The following SIK2 variants were observed in gnomAD, a reference collection of about 807,000 sequenced individuals.
SIK2 encodes the protein salt inducible kinase 2.
A neutral mutation model predicts 103.2 loss-of-function variants in SIK2; 29 were observed. The ratio of observed to expected loss-of-function variants is 0.28; its 90% CI spans 0.21 to 0.38. The LOEUF is 0.38. Among genes scored for constraint, SIK2 ranks in the 10% least tolerant of loss-of-function variants. The probability of loss-of-function intolerance (pLI) is 1.00; values close to 1 mark genes in which losing one functional copy is unlikely to be tolerated. For synonymous variants in SIK2, 412 were observed against 446.1 expected, an observed-to-expected ratio of 0.92 and a Z score of 0.96; for missense variants, 879 against 1,171.0, an observed-to-expected ratio of 0.75 and a Z score of 3.64.
In SIK2 at chr11:111,724,644, A is replaced by G. The variant is rs926412174; in HGVS notation, c.*515A>G. 6.3e-6 allele frequency: 1 copy of G among 158,258 alleles called. No homozygotes were observed. The highest frequency in any genetic ancestry group is 1.4e-5 in the Non-Finnish European group (1 of 71,656). The allele number at this position is 158,258 out of a possible 1,614,324, so 9.8% of individuals were successfully genotyped here. A position where few individuals can be genotyped will look rare whatever the true frequency, so the allele number is the denominator to read the frequency against. ...AAGGAAAGCTGTGCTTTGTCATTGA[A>G]TCCTAAGTTCTTAGCTGCTGATGCA... is the stretch of plus-strand genomic sequence containing the variant. On this transcript the variant is annotated 3_prime_UTR_variant, in exon 15 of 15. Transcript: ENST00000304987.
intron 3 of SIK2, among the ~76,000 whole-genome samples, chr11:111,631,709 A>G (rs1351211548): frequency 6.6e-6 from 1 of 152,162 alleles, no homozygotes; most frequent in Non-Finnish European, 1.5e-5. Flanking sequence ...GCCACTTTCA[A>G]TTTCTCTTCT....
At chr11:111,625,183 C>A (rs1339712996) in intron 3 of SIK2, among the ~76,000 whole-genome samples, 1 of 152,108 alleles carries the variant, frequency 6.6e-6, no homozygotes, top group East Asian at 1.9e-4. Flanking sequence ...CCATTTTCGG[C>A]TGGATTTCAG....
intron 3 of SIK2, among the ~76,000 whole-genome samples, chr11:111,684,871 A>G (rs781343220): frequency 1.3e-5 from 2 of 152,234 alleles, no homozygotes; most frequent in African/African-American, 2.4e-5. Context: ...TGAGCTGACC[A>G]TCTCAGTTTC....
chr11:111,632,001 G>T (rs1942046864), intron 3 of SIK2, among the ~76,000 whole-genome samples: 1 of 152,046 alleles, frequency 6.6e-6, no homozygotes, highest in African/African-American at 2.4e-5. Context: ...TAGTTTCAAA[G>T]GAGAATAATA....
At position 111,660,026 on chromosome 11, in the gene SIK2, T is replaced by G. The variant is rs77673866; in HGVS notation, c.317-27975T>G. Reference sequence around the variant, plus strand: ...GCCATTTCTTCCTGTGGCTTTTTCTTAGGCGTGAGAAAACATTTTCCTAAA... The same window carrying G: ...GCCATTTCTTCCTGTGGCTTTTTCTGAGGCGTGAGAAAACATTTTCCTAAA... On this transcript the variant is annotated intron_variant, in intron 3 of 14. Coordinates refer to ENST00000304987, the MANE Select transcript of SIK2 (RefSeq NM_015191.3). Among the ~76,000 whole-genome samples the G allele has an allele frequency of 6.6e-3, 999 of 152,352 alleles. 8 individuals are homozygous for G. The highest frequency in any genetic ancestry group is 0.054 in the Middle Eastern group (16 of 294).
chr11:111,614,380 A>C (rs1941774206), intron 1 of SIK2, among the ~76,000 whole-genome samples: 2 of 152,146 alleles, frequency 1.3e-5, no homozygotes, highest in African/African-American at 4.8e-5. Flanking sequence ...CACAGCGCCC[A>C]GCCTGACTCC....
At chr11:111,699,635 A>G (rs1943163440) in intron 4 of SIK2, among the ~76,000 whole-genome samples, 2 of 152,172 alleles carry the variant, frequency 1.3e-5, no homozygotes, top group South Asian at 2.1e-4. Flanking sequence ...TGTTACTGTT[A>G]TTACTGTTAC....
At chr11:111,671,454 G>T in intron 3 of SIK2, 1 of 245,394 alleles carries the variant, frequency 4.1e-6, no homozygotes, top group South Asian at 4.8e-5. Flanking sequence ...TGATGTTCTG[G>T]GTCATCTCTG....
intron 3 of SIK2, among the ~76,000 whole-genome samples, chr11:111,641,959 G>A (rs1362484604): frequency 6.6e-6 from 1 of 151,748 alleles, no homozygotes; most frequent in Non-Finnish European, 1.5e-5. Flanking sequence ...GTATGAATAA[G>A]GTAAACTAAA....
At position 111,675,330 on chromosome 11, in the gene SIK2, G is replaced by C. The variant is rs1486037206; in HGVS notation, c.317-12671G>C. On this transcript the variant is annotated intron_variant, in intron 3 of 14. Transcript: ENST00000304987. ...CTACTGGGAGGCATTACAAAGTCAC[G>C]TGACAAAGGGTATGGATAAATCTCT... is the stretch of plus-strand genomic sequence containing the variant. Among the ~76,000 whole-genome samples the C allele has an allele frequency of 2.0e-5, 3 of 152,302 alleles. No homozygotes were observed. The East Asian group carries it at 5.8e-4, about 29-fold the overall frequency.
At position 111,729,945 on chromosome 11, in the gene SIK2, C is replaced by G. The variant is rs1944128195; in HGVS notation, c.*5816C>G. On this transcript the variant is annotated 3_prime_UTR_variant, in exon 15 of 15. Coordinates refer to ENST00000304987, the MANE Select transcript of SIK2 (RefSeq NM_015191.3). ...TACAGCAGTTTCCTACAGAACACCCCCTTCCTCAATTGCCAAGGGGCCGCA... is the reference window on the plus strand; with the variant it reads ...TACAGCAGTTTCCTACAGAACACCCGCTTCCTCAATTGCCAAGGGGCCGCA... 6.6e-6 allele frequency: 1 copy of G among 152,334 alleles called. No individual in the cohort carries two copies. The highest frequency in any genetic ancestry group is 2.4e-5 in the African/African-American group (1 of 41,474). The allele number at this position is 152,334 out of a possible 1,614,324, so 9.4% of individuals were successfully genotyped here.
intron 3 of SIK2, among the ~76,000 whole-genome samples, chr11:111,620,974 C>T (rs1941875449): frequency 6.6e-6 from 1 of 152,158 alleles, no homozygotes; most frequent in African/African-American, 2.4e-5. Flanking sequence ...ATATTTTATT[C>T]TAGCTTTCAC....
At chr11:111,703,558 C>A in intron 7 of SIK2, 135 bp downstream of exon 7, 1 of 692,244 alleles carries the variant, frequency 1.4e-6, no homozygotes, top group Non-Finnish European at 2.4e-6. Context: ...CTATAGATGA[C>A]ATCAGACTCT....
intron 1 of SIK2, among the ~76,000 whole-genome samples, chr11:111,605,182 C>T (rs1161215161): frequency 6.6e-6 from 1 of 151,974 alleles, no homozygotes; most frequent in Non-Finnish European, 1.5e-5. Context: ...AGGCTGGTTT[C>T]GAACTCCTGA....
At chr11:111,706,015 T>C (rs1337528835) in intron 8 of SIK2, among the ~76,000 whole-genome samples, 2 of 152,170 alleles carry the variant, frequency 1.3e-5, no homozygotes, top group African/African-American at 4.8e-5. Flanking sequence ...GGCAGCTCAG[T>C]GTGGTGGTTA....
chr11:111,640,650 A>G (rs1942168657), intron 3 of SIK2, among the ~76,000 whole-genome samples: 1 of 150,160 alleles, frequency 6.7e-6, no homozygotes, highest in Non-Finnish European at 1.5e-5. Context: ...ACTTAGAACT[A>G]TGCTATACTA....
At chr11:111,672,237 G>C (rs992260624) in intron 3 of SIK2, 2 of 366,332 alleles carry the variant, frequency 5.5e-6, no homozygotes, top group African/African-American at 4.3e-5. Context: ...CCTCCACTCA[G>C]ACCTATGCTG....
chr11:111,607,584 C>A (rs1002153330), intron 1 of SIK2, among the ~76,000 whole-genome samples: 34 of 152,114 alleles, frequency 2.2e-4, no homozygotes, highest in African/African-American at 8.2e-4. Context: ...CTATGTGCAA[C>A]AGAAGGACTT....
intron 1 of SIK2, among the ~76,000 whole-genome samples, chr11:111,605,711 A>G (rs1941640889): frequency 1.3e-5 from 2 of 152,194 alleles, no homozygotes; most frequent in Non-Finnish European, 2.9e-5. Context: ...CTTGTTCTAT[A>G]TCACTCACAA....
Sources: allele counts gnomAD v4.1 joint callset (sites outside exome capture counted in the v4.1 genomes callset), GRCh38; gene constraint gnomAD v4.1.1; transcripts MANE v1.5; gene names NCBI Gene and HGNC (gene_info 2026-07-23, HGNC 2026-07-21).